Variants in CFAP92 observed in about 807,000 individuals in gnomAD.
CFAP92 encodes cilia and flagella associated protein 92 (putative).
In CFAP92, 86 loss-of-function variants were observed where a neutral mutation model predicts 106.3. That is an observed-to-expected ratio of 0.81 (90% confidence interval 0.68 to 0.97). The LOEUF is 0.97. Among genes scored for constraint, CFAP92 ranks in the 50% least tolerant of loss-of-function variants. The pLI, the probability that CFAP92 is intolerant of heterozygous loss-of-function variation, is 0.00. For missense variants in CFAP92, 1,204 were observed against 1,283.8 expected, an observed-to-expected ratio of 0.94 and a Z score of 0.95; for synonymous variants, 477 against 506.4, an observed-to-expected ratio of 0.94 and a Z score of 0.78.
Position 128,916,180 on chromosome 3 carries a change from A to C in CFAP92, c.2843T>G (p.Val948Gly). The C allele has an allele frequency of 8.1e-7, 1 of 1,232,108 alleles. No individual in the cohort carries two copies. Among genetic ancestry groups the C allele is most frequent in the Non-Finnish European group, 1.0e-6 (1 of 987,962 alleles). The allele number at this position is 1,232,108 out of a possible 1,614,324, so 76.3% of individuals were successfully genotyped here. A position where few individuals can be genotyped will look rare whatever the true frequency, so the allele number is the denominator to read the frequency against. Reference protein sequence around the residue: ...IKISAPANKAVYNYSTQTMNS... With the variant: ...IKISAPANKAGYNYSTQTMNS... ...CATGGTCTGGGTACTATAGTTGTAG[A>C]CGGCCTTGTTGGCAGGGGCTGAAAT... The change falls in exon 13 of 16, where the codon GTC (valine) becomes GGC (glycine). Residue 948 changes from valine to glycine, a missense_variant. By Grantham distance (109) the Val-to-Gly change is moderately radical. Transcript: ENST00000645291.
chr3:128,952,697 C>G (rs2107740766), intron 9 of CFAP92, among the ~76,000 whole-genome samples: 1 of 152,262 alleles, frequency 6.6e-6, no homozygotes, highest in Middle Eastern at 3.4e-3. Context: ...GGCAGGGTCA[C>G]TTGAGCTCAG....
chr3:128,984,397 A>G (rs1478252692), intron 4 of CFAP92, among the ~76,000 whole-genome samples: 2 of 152,190 alleles, frequency 1.3e-5, no homozygotes, highest in East Asian at 3.9e-4. Context: ...GCAGAAGAAC[A>G]TGGAAGGAGC....
chr3:128,924,603 T>G (rs1367124378), intron 12 of CFAP92, among the ~76,000 whole-genome samples: 4 of 139,396 alleles, frequency 2.9e-5, no homozygotes, highest in Non-Finnish European at 3.0e-5. Context: ...TACCACCACG[T>G]CCGGCTCATT....
chr3:128,957,624 G>C (rs1454647025), intron 9 of CFAP92, among the ~76,000 whole-genome samples: 1 of 152,080 alleles, frequency 6.6e-6, no homozygotes. Flanking sequence ...AAATTAAAAT[G>C]GTAGACTTAA....
chr3:128,933,427 C>T (rs1362491227), intron 11 of CFAP92, among the ~76,000 whole-genome samples: 1 of 152,098 alleles, frequency 6.6e-6, no homozygotes, highest in Non-Finnish European at 1.5e-5. Flanking sequence ...GAGTCCTCAG[C>T]AAAGCTCAAG....
rs141651714 is a variant in CFAP92, at chr3:128,942,256, G to A, written c.2258+2815C>T. Among the ~76,000 whole-genome samples, 5 of 152,348 alleles carry A rather than the reference G, an allele frequency of 3.3e-5. No homozygotes were observed. The East Asian group carries it at 9.6e-4, about 29-fold the overall frequency. On this transcript the variant is annotated intron_variant, in intron 10 of 15. Coordinates refer to ENST00000645291, the MANE Select transcript of CFAP92 (RefSeq NM_001394090.1). ...GCCAAGGGAACAAACACATGGAGCA[G>A]AGTCCACGATGGCTCCAGACACAAA...
chr3:128,997,755 G>A (rs1364545822), upstream of CFAP92, among the ~76,000 whole-genome samples: 4 of 152,174 alleles, frequency 2.6e-5, no homozygotes, highest in Non-Finnish European at 5.9e-5. Flanking sequence ...TATGAACAAC[G>A]TTGCTATGAA....
chr3:129,008,212 A>AT, the CFAP92 span, among the ~76,000 whole-genome samples: 1 of 152,246 alleles, frequency 6.6e-6, no homozygotes, highest in African/African-American at 2.4e-5. Flanking sequence ...CCCAAGACCA[A>AT]TAGGTGGAAT....
At chr3:128,986,403 C>CTGATTTTTAAA (rs1448644547) in intron 4 of CFAP92, among the ~76,000 whole-genome samples, 3 of 152,034 alleles carry the variant, frequency 2.0e-5, no homozygotes, top group Non-Finnish European at 2.9e-5. Context: ...CCATGCTGGG[C>CTGATTTTTAAA]TGATTTTTAA....
chr3:128,995,811 C>T (rs577356364), upstream of CFAP92, among the ~76,000 whole-genome samples: 172 of 152,366 alleles, frequency 1.1e-3, 1 homozygote, highest in East Asian at 3.5e-3. Flanking sequence ...GGAAGTGACT[C>T]TCCAGGGGTG....
At chr3:128,946,017 G>T in intron 9 of CFAP92, 42 bp from the exon 10 acceptor site, 1 of 1,363,704 alleles carries the variant, frequency 7.3e-7, no homozygotes, top group Non-Finnish European at 9.6e-7. Flanking sequence ...CAGCCACAAG[G>T]ACAGTCACTC....
the CFAP92 span, among the ~76,000 whole-genome samples, chr3:129,022,500 T>C: frequency 6.6e-6 from 1 of 152,080 alleles, no homozygotes; most frequent in African/African-American, 2.4e-5. Context: ...CCTTGTCAGA[T>C]TGTATAAGCC....
At chr3:129,020,368 G>A in the CFAP92 span, among the ~76,000 whole-genome samples, 1 of 152,158 alleles carries the variant, frequency 6.6e-6, no homozygotes, top group Non-Finnish European at 1.5e-5. Context: ...CTGGACAGAT[G>A]GCCCACACCT....
intron 12 of CFAP92, among the ~76,000 whole-genome samples, chr3:128,924,826 C>G (rs1028715858): frequency 6.6e-6 from 1 of 152,214 alleles, no homozygotes; most frequent in Non-Finnish European, 1.5e-5. Context: ...AAAGAAAATG[C>G]TAAACTGTCA....
intron 12 of CFAP92, among the ~76,000 whole-genome samples, chr3:128,921,609 A>C (rs938625865): frequency 4.6e-5 from 7 of 152,218 alleles, no homozygotes; most frequent in Non-Finnish European, 8.8e-5. Context: ...ACACAGAAAA[A>C]AGGAATGTAG....
At chr3:128,935,436 G>T in intron 10 of CFAP92, 117 bp from the exon 11 acceptor site, 1 of 617,808 alleles carries the variant, frequency 1.6e-6, no homozygotes, top group Non-Finnish European at 2.6e-6. Context: ...CAGGGGCCGG[G>T]TATGGTGACT....
At chr3:128,996,067 C>G (rs13100972), upstream of CFAP92, among the ~76,000 whole-genome samples, 1 of 152,156 alleles carries the variant, frequency 6.6e-6, no homozygotes, top group African/African-American at 2.4e-5. Flanking sequence ...CTGCCCTGTT[C>G]TTTTGAGGTA....
chr3:128,992,945 G>A, intron 2 of CFAP92, 98 bp downstream of exon 2: 1 of 1,426,248 alleles, frequency 7.0e-7, no homozygotes, highest in Non-Finnish European at 9.7e-7. Flanking sequence ...GGTGGGGCAG[G>A]TGGAGAGAGG....
At chr3:128,998,349 C>T (rs75244963), upstream of CFAP92, among the ~76,000 whole-genome samples, 2,475 of 152,064 alleles carry the variant, frequency 0.016, 72 homozygotes, top group African/African-American at 0.057. Context: ...CATTTGGTGT[C>T]GTATCTAAGA....
Sources: gnomAD v4.1 joint callset for allele counts (sites outside exome capture counted in the v4.1 genomes callset) on GRCh38, gnomAD v4.1.1 for gene constraint, MANE v1.5 for transcripts, NCBI Gene and HGNC (gene_info 2026-07-23, HGNC 2026-07-21) for gene names.